Variants in PCED1B observed in about 807,000 individuals in gnomAD.
The protein encoded by PCED1B is PC-esterase domain containing 1B.
For missense variants in PCED1B, 573 were observed against 573.9 expected, an observed-to-expected ratio of 1.00 and a Z score of 0.02; for synonymous variants, 251 against 246.1, an observed-to-expected ratio of 1.02 and a Z score of -0.19.
At chr12:47,108,954 C>T (rs957170787) in intron 2 of PCED1B, among the ~76,000 whole-genome samples, 1 of 152,170 alleles carries the variant, frequency 6.6e-6, no homozygotes, top group Non-Finnish European at 1.5e-5. Flanking sequence ...GTTTGTCTTC[C>T]TTTGGCAGAG....
chr12:47,088,835 C>T (rs1279196129), intron 1 of PCED1B, among the ~76,000 whole-genome samples: 1 of 152,178 alleles, frequency 6.6e-6, no homozygotes, highest in Admixed American at 6.5e-5. Flanking sequence ...TCATATTTAT[C>T]TCAAAGTAAA....
chr12:47,218,659 A>AC (rs1484196392), intron 3 of PCED1B, among the ~76,000 whole-genome samples: 1 of 22,702 alleles, frequency 4.4e-5, no homozygotes, highest in African/African-American at 9.9e-4. Context: ...GATCATTTTT[A>AC]ATTTTTTTTC....
chr12:47,229,047 T>C (rs1448251667), intron 3 of PCED1B, among the ~76,000 whole-genome samples: 4 of 152,020 alleles, frequency 2.6e-5, no homozygotes, highest in Non-Finnish European at 2.9e-5. Flanking sequence ...CTCTTCTTTA[T>C]TGATGATTAA....
chr12:47,158,363 G>T (rs1941263229), intron 2 of PCED1B, among the ~76,000 whole-genome samples: 1 of 152,092 alleles, frequency 6.6e-6, no homozygotes. Flanking sequence ...GGTGCGAGGT[G>T]GTCTCCCTTT....
chr12:47,127,575 A>G (rs1939945510), intron 2 of PCED1B, among the ~76,000 whole-genome samples: 1 of 151,932 alleles, frequency 6.6e-6, no homozygotes, highest in South Asian at 2.1e-4. Flanking sequence ...CGTGTTAGCC[A>G]GGATGGTCTC....
At chr12:47,220,102 A>G (rs560483929) in intron 3 of PCED1B, among the ~76,000 whole-genome samples, 69 of 151,678 alleles carry the variant, frequency 4.5e-4, no homozygotes, top group African/African-American at 1.6e-3. Context: ...AAGAAGAAGA[A>G]GAAGATACAT....
At chr12:47,195,572 G>A (rs1468226504) in intron 2 of PCED1B, among the ~76,000 whole-genome samples, 1 of 152,096 alleles carries the variant, frequency 6.6e-6, no homozygotes, top group Non-Finnish European at 1.5e-5. Flanking sequence ...CCCCACCATA[G>A]TAGAGTAGAG....
In PCED1B at chr12:47,142,692, G is replaced by A. The variant is rs78095339; in HGVS notation, c.-526+38497G>A. On this transcript the variant is annotated intron_variant, in intron 2 of 3. Transcript: ENST00000546455. The stretch of plus-strand genomic sequence containing the variant: ...CAGAATGAAAAAAAATCAGTAGAGA[G>A]CTTCAACAACAGACTTGATCGCGCA... 4.4e-4 allele frequency among the ~76,000 whole-genome samples: 67 copies of A among 152,038 alleles called. 1 individual carries two copies. The East Asian group carries it at 0.01, about 24-fold the overall frequency.
intron 1 of PCED1B, among the ~76,000 whole-genome samples, chr12:47,089,910 A>T (rs1938190207): frequency 6.6e-6 from 1 of 152,066 alleles, no homozygotes. Flanking sequence ...AGTAGCTGGG[A>T]TTACAGGCAC....
At position 47,092,519 on chromosome 12, in the gene PCED1B, C is replaced by T. The variant is rs140408444; in HGVS notation, c.-608-11594C>T. 3.0e-3 allele frequency among the ~76,000 whole-genome samples: 462 copies of T among 152,012 alleles called. 1 individual carries two copies. Among genetic ancestry groups the T allele is most frequent in the Non-Finnish European group, 5.6e-3 (383 of 67,852 alleles). On this transcript the variant is annotated intron_variant, in intron 1 of 3. Transcript: ENST00000546455. ...ATCTCCATGACATTTATTTCTTTCTCTGACCTTTTGCATTGGCTAGACCTC... is the reference window on the plus strand; with the variant it reads ...ATCTCCATGACATTTATTTCTTTCTTTGACCTTTTGCATTGGCTAGACCTC...
intron 2 of PCED1B, among the ~76,000 whole-genome samples, chr12:47,196,092 A>C (rs1302019868): frequency 6.6e-6 from 1 of 152,256 alleles, no homozygotes. Flanking sequence ...AGACTATTAC[A>C]TATAACACTA....
chr12:47,193,811 T>C (rs1942519821), intron 2 of PCED1B, among the ~76,000 whole-genome samples: 1 of 152,246 alleles, frequency 6.6e-6, no homozygotes, highest in Non-Finnish European at 1.5e-5. Context: ...TGTTTTAAGA[T>C]TGCATTTCAC....
intron 1 of PCED1B, among the ~76,000 whole-genome samples, chr12:47,092,729 T>A (rs1042525179): frequency 3.9e-5 from 6 of 152,074 alleles, no homozygotes; most frequent in African/African-American, 1.4e-4. Flanking sequence ...CAAATGGATG[T>A]TGAATTTATC....
chr12:47,122,563 G>A (rs546989324), intron 2 of PCED1B, among the ~76,000 whole-genome samples: 1 of 152,278 alleles, frequency 6.6e-6, no homozygotes, highest in South Asian at 2.1e-4. Flanking sequence ...TATTTAGTAT[G>A]GAAAACTAGA....
intron 2 of PCED1B, chr12:47,135,540 G>A (rs1440258980): frequency 5.8e-6 from 3 of 514,348 alleles, no homozygotes; most frequent in Admixed American, 4.1e-5. Context: ...GAATGGTCAG[G>A]AGGATGCCCA....
At chr12:47,151,542 G>A (rs1475352386) in intron 2 of PCED1B, among the ~76,000 whole-genome samples, 2 of 152,150 alleles carry the variant, frequency 1.3e-5, no homozygotes, top group African/African-American at 4.8e-5. Flanking sequence ...CTATTATAAC[G>A]AGTTAGCTCA....
At chr12:47,115,276 C>T (rs1350794336) in intron 2 of PCED1B, among the ~76,000 whole-genome samples, 1 of 152,078 alleles carries the variant, frequency 6.6e-6, no homozygotes, top group Non-Finnish European at 1.5e-5. Flanking sequence ...TTATTTTCTG[C>T]CCAAACGACA....
intron 2 of PCED1B, among the ~76,000 whole-genome samples, chr12:47,212,074 CAA>C (rs34413650): frequency 0.24 from 21,257 of 88,872 alleles, 1,661 homozygotes; most frequent in Non-Finnish European, 0.32. Context: ...GACTCCGTCT[CAA>C]AAAAAAAAAA....
At chr12:47,208,093 A>T (rs539865936) in intron 2 of PCED1B, among the ~76,000 whole-genome samples, 8 of 152,022 alleles carry the variant, frequency 5.3e-5, no homozygotes, top group Non-Finnish European at 8.8e-5. Flanking sequence ...TAAATAAGCT[A>T]TAAGAAGTTT....
Sources: allele counts gnomAD v4.1 joint callset (sites outside exome capture counted in the v4.1 genomes callset), GRCh38; gene constraint gnomAD v4.1.1; transcripts MANE v1.5; gene names NCBI Gene and HGNC (gene_info 2026-07-23, HGNC 2026-07-21).